The following NPAS3 variants were observed in gnomAD, a reference collection of about 807,000 sequenced individuals.
NPAS3 encodes the protein neuronal PAS domain protein 3.
In NPAS3, 14 loss-of-function variants were observed where a neutral mutation model predicts 73.1. That is an observed-to-expected ratio of 0.19 (90% CI 0.13 to 0.30). NPAS3 has a LOEUF of 0.30. Ranked by LOEUF, NPAS3 falls within the 10% of genes least tolerant of loss-of-function variation. The pLI, the probability that NPAS3 is intolerant of heterozygous loss-of-function variation, is 1.00. For missense variants in NPAS3, 1,096 were observed against 1,250.0 expected, an observed-to-expected ratio of 0.88 and a Z score of 1.86; for synonymous variants, 620 against 541.5, an observed-to-expected ratio of 1.14 and a Z score of -2.01.
chr14:32,971,818 G>A (rs1046733029), intron 1 of NPAS3, among the ~76,000 whole-genome samples: 26 of 151,634 alleles, frequency 1.7e-4, no homozygotes, highest in East Asian at 3.9e-4. Context: ...AAATTAGCAT[G>A]TTCCTTCTAC....
chr14:33,160,128 G>T (rs556281298), intron 2 of NPAS3, among the ~76,000 whole-genome samples: 1 of 152,002 alleles, frequency 6.6e-6, no homozygotes, highest in East Asian at 1.9e-4. Context: ...TTCAATCTTT[G>T]CAGGATAAAA....
intron 2 of NPAS3, among the ~76,000 whole-genome samples, chr14:33,132,464 A>C (rs2043675879): frequency 6.6e-6 from 1 of 152,172 alleles, no homozygotes; most frequent in African/African-American, 2.4e-5. Flanking sequence ...TAATGAGAAA[A>C]TAATGAGACT....
intron 3 of NPAS3, among the ~76,000 whole-genome samples, chr14:33,230,570 A>C (rs1486185074): frequency 6.6e-6 from 1 of 152,218 alleles, no homozygotes; most frequent in African/African-American, 2.4e-5. Context: ...GATTATTAAA[A>C]TATGAAATCA....
chr14:33,676,112 A>ATTTTC, intron 5 of NPAS3, 99 bp from the exon 6 acceptor site: 1 of 1,210,692 alleles, frequency 8.3e-7, no homozygotes, highest in Non-Finnish European at 1.2e-6. Flanking sequence ...ACCTGAATGT[A>ATTTTC]TTTTCTTTTC....
intron 5 of NPAS3, among the ~76,000 whole-genome samples, chr14:33,651,778 G>A (rs967865057): frequency 6.6e-6 from 1 of 152,142 alleles, no homozygotes; most frequent in Non-Finnish European, 1.5e-5. Flanking sequence ...TGTTAGTTTG[G>A]TTTGTTTCCT....
chr14:33,203,281 A>G (rs894540988), intron 2 of NPAS3, among the ~76,000 whole-genome samples: 11 of 152,196 alleles, frequency 7.2e-5, no homozygotes, highest in African/African-American at 2.7e-4. Flanking sequence ...TGTGCTACTT[A>G]ATTTCTGAGG....
intron 4 of NPAS3, among the ~76,000 whole-genome samples, chr14:33,456,507 G>A (rs545073543): frequency 6.6e-6 from 1 of 152,104 alleles, no homozygotes; most frequent in East Asian, 1.9e-4. Flanking sequence ...CCTTTCTTTG[G>A]GCACGATAAC....
intron 3 of NPAS3, among the ~76,000 whole-genome samples, chr14:33,253,872 A>G (rs568899216): frequency 4.6e-5 from 7 of 152,182 alleles, no homozygotes; most frequent in South Asian, 2.1e-4. Flanking sequence ...TCGATCTGCC[A>G]TAGGCTTCTC....
intron 2 of NPAS3, among the ~76,000 whole-genome samples, chr14:33,122,340 C>G (rs543083489): frequency 2.0e-5 from 3 of 152,098 alleles, no homozygotes; most frequent in Non-Finnish European, 4.4e-5. Flanking sequence ...ATAACCATCA[C>G]CTTTCTCCAG....
At chr14:33,149,384 C>T (rs937138312) in intron 2 of NPAS3, among the ~76,000 whole-genome samples, 1 of 152,192 alleles carries the variant, frequency 6.6e-6, no homozygotes, top group African/African-American at 2.4e-5. Context: ...TTAAAAACTT[C>T]TGTATCAGTC....
chr14:33,316,831 G>C (rs937346571), intron 3 of NPAS3, among the ~76,000 whole-genome samples: 2 of 152,094 alleles, frequency 1.3e-5, no homozygotes, highest in Non-Finnish European at 2.9e-5. Context: ...CCAGGAGTGA[G>C]CCAGAATGGC....
intron 1 of NPAS3, among the ~76,000 whole-genome samples, chr14:32,957,533 G>A (rs1410491622): frequency 1.3e-5 from 2 of 151,802 alleles, no homozygotes; most frequent in African/African-American, 2.4e-5. Flanking sequence ...CACCACGCCC[G>A]GCTAATTTTT....
chr14:33,055,050 C>T (rs2040840957), intron 1 of NPAS3, among the ~76,000 whole-genome samples: 1 of 152,118 alleles, frequency 6.6e-6, no homozygotes, highest in Non-Finnish European at 1.5e-5. Flanking sequence ...AGGATTGGTA[C>T]TCGTACTGAT....
chr14:33,012,325 T>A (rs2039233590), intron 1 of NPAS3, among the ~76,000 whole-genome samples: 3 of 152,182 alleles, frequency 2.0e-5, no homozygotes, highest in African/African-American at 4.8e-5. Flanking sequence ...GCTATCTACT[T>A]CAAATATTCA....
At chr14:32,984,623 A>G (rs929921095) in intron 1 of NPAS3, among the ~76,000 whole-genome samples, 6 of 152,208 alleles carry the variant, frequency 3.9e-5, no homozygotes, top group Non-Finnish European at 1.5e-5. Context: ...CAACAACATT[A>G]TCAGTGAATT....
At chr14:33,136,392 G>C (rs953440238) in intron 2 of NPAS3, among the ~76,000 whole-genome samples, 1 of 151,978 alleles carries the variant, frequency 6.6e-6, no homozygotes, top group Non-Finnish European at 1.5e-5. Context: ...AAAGTTCTTC[G>C]GTTCTGAAAA....
At chr14:33,191,390 TATACAA>T (rs1389957352) in intron 2 of NPAS3, among the ~76,000 whole-genome samples, 2 of 152,174 alleles carry the variant, frequency 1.3e-5, no homozygotes, top group African/African-American at 4.8e-5. Flanking sequence ...CATTTTTTAT[TATACAA>T]ATACAAGTAG....
intron 2 of NPAS3, among the ~76,000 whole-genome samples, chr14:33,142,241 G>C (rs1196987889): frequency 6.4e-5 from 4 of 62,970 alleles, no homozygotes; most frequent in African/African-American, 2.2e-4. Flanking sequence ...TCTTCCTTCT[G>C]GGATTTTTTT....
At chr14:33,346,837 G>A (rs754439236) in intron 3 of NPAS3, among the ~76,000 whole-genome samples, 24 of 152,104 alleles carry the variant, frequency 1.6e-4, no homozygotes, top group Non-Finnish European at 2.4e-4. Context: ...CCTCATCTGG[G>A]CACTAACATG....
Sources: gnomAD v4.1 joint callset for allele counts (sites outside exome capture counted in the v4.1 genomes callset) on GRCh38, gnomAD v4.1.1 for gene constraint, MANE v1.5 for transcripts, NCBI Gene and HGNC (gene_info 2026-07-23, HGNC 2026-07-21) for gene names.